The following KCNQ1OT1 variants were observed in gnomAD, a reference collection of about 807,000 sequenced individuals.
The protein encoded by KCNQ1OT1 is KCNQ1 opposite strand/antisense transcript 1.
exon 1 of KCNQ1OT1, chr11:2,650,846 G>A: frequency 5.0e-6 from 2 of 398,622 alleles, no homozygotes; most frequent in Non-Finnish European, 8.8e-6. Context: ...TGCTTTTAGG[G>A]GAGGATGAGT....
Position 2,647,796 on chromosome 11 carries a change from G to A in KCNQ1OT1, n.52199C>T, listed in dbSNP as rs1849689053. 2 of 398,266 alleles carry A rather than the reference G, an allele frequency of 5.0e-6. No individual in the cohort carries two copies. Among genetic ancestry groups the A allele is most frequent in the Admixed American group, 8.8e-5 (2 of 22,698 alleles). The allele number at this position is 398,266 out of a possible 1,614,324, so 24.7% of individuals were successfully genotyped here. A position where few individuals can be genotyped will look rare whatever the true frequency, so the allele number is the denominator to read the frequency against. ...TGTTGACATATAGTTGTTCATAATG[G>A]TCTCTAATAATCTTTTGTATTTCTG... On this transcript the variant is annotated non_coding_transcript_exon_variant, in exon 1 of 1. Transcript: ENST00000597346. This position sits in a 1 kb window ranked among gnomAD's most constrained non-coding sequence, Gnocchi z 4.0.
At chr11:2,655,631 G>T in exon 1 of KCNQ1OT1, 1 of 398,686 alleles carries the variant, frequency 2.5e-6, no homozygotes, top group Non-Finnish European at 4.4e-6. Context: ...TCAAGCCCTG[G>T]CCTGAAAGAG....
chr11:2,661,562 G>A lies in KCNQ1OT1; in HGVS notation n.38433C>T. ...CACTACTCTGTCAATGTATGAGTGT[G>A]ACAATGTATGGTGGTGGGAGCTGTT... On this transcript the variant is annotated non_coding_transcript_exon_variant, in exon 1 of 1. Transcript: ENST00000597346. The surrounding 1 kb of genome is among the most constrained non-coding windows in gnomAD (Gnocchi z 5.9). The A allele has an allele frequency of 1.8e-6, 1 of 544,802 alleles. No homozygotes were observed. The highest frequency in any genetic ancestry group is 2.9e-5 in the South Asian group (1 of 34,838). The allele number at this position is 544,802 out of a possible 1,614,324, so 33.7% of individuals were successfully genotyped here. A position where few individuals can be genotyped will look rare whatever the true frequency, so the allele number is the denominator to read the frequency against.
rs1849806321 is a variant in KCNQ1OT1, at chr11:2,654,456, C to A, written n.45539G>T. The A allele has an allele frequency of 2.5e-6, 1 of 398,612 alleles. No homozygotes were observed. The highest frequency in any genetic ancestry group is 4.4e-5 in the Admixed American group (1 of 22,708). 24.7% of individuals were successfully genotyped at this position (398,612 alleles called of 1,614,324 possible). A position where few individuals can be genotyped will look rare whatever the true frequency, so the allele number is the denominator to read the frequency against. ...GAAGGCAAGGTTCCCGTGCTGAGCG[C>A]CAGGCACACATAAGCCCTGCAGCCG... On this transcript the variant is annotated non_coding_transcript_exon_variant, in exon 1 of 1. Coordinates refer to ENST00000597346, the Ensembl canonical transcript of KCNQ1OT1. This position sits in a 1 kb window ranked among gnomAD's most constrained non-coding sequence, Gnocchi z 6.4.
chr11:2,667,183 C>T (rs1850090738), exon 1 of KCNQ1OT1: 1 of 398,690 alleles, frequency 2.5e-6, no homozygotes, highest in Non-Finnish European at 4.4e-6. Flanking sequence ...CTGCCATCAG[C>T]CCAGCTGTGG....
Position 2,653,034 on chromosome 11 carries a change from T to C in KCNQ1OT1, n.46961A>G, listed in dbSNP as rs1849781480. On this transcript the variant is annotated non_coding_transcript_exon_variant, in exon 1 of 1. Transcript: ENST00000597346. The surrounding 1 kb of genome is among the most constrained non-coding windows in gnomAD (Gnocchi z 5.3). Reference sequence around the variant, plus strand: ...TCTATTCTGCACACCTTTGATCCAATGTGAGATCCAACATGTTCCATAATT... The same window carrying C: ...TCTATTCTGCACACCTTTGATCCAACGTGAGATCCAACATGTTCCATAATT... 1 of 398,542 alleles carries C rather than the reference T, an allele frequency of 2.5e-6. No homozygotes were observed. Among genetic ancestry groups the C allele is most frequent in the South Asian group, 1.3e-4 (1 of 7,862 alleles). The allele number at this position is 398,542 out of a possible 1,614,324, so 24.7% of individuals were successfully genotyped here.
chr11:2,629,111 T>C, exon 1 of KCNQ1OT1: 1 of 398,314 alleles, frequency 2.5e-6, no homozygotes, highest in Non-Finnish European at 4.4e-6. Flanking sequence ...GGATTTTTTT[T>C]GTCTATATCT....
At position 2,642,745 on chromosome 11, in the gene KCNQ1OT1, G is replaced by T; in HGVS notation, n.57250C>A. The T allele has an allele frequency of 5.0e-6, 2 of 397,504 alleles. No homozygotes were observed. Among genetic ancestry groups the T allele is most frequent in the Non-Finnish European group, 4.4e-6 (1 of 225,538 alleles). The allele number at this position is 397,504 out of a possible 1,614,324, so 24.6% of individuals were successfully genotyped here. On this transcript the variant is annotated non_coding_transcript_exon_variant, in exon 1 of 1. Transcript: ENST00000597346. The surrounding 1 kb of genome is among the most constrained non-coding windows in gnomAD (Gnocchi z 4.3). Reference sequence around the variant, plus strand: ...GTTCTTGCTTTTCTGGTTCCTTCAGGTGTATCATTAGATTATTTAAGATCT... The same window carrying T: ...GTTCTTGCTTTTCTGGTTCCTTCAGTTGTATCATTAGATTATTTAAGATCT...
In KCNQ1OT1 at chr11:2,679,902, TA is replaced by T. The variant is rs1411774273; in HGVS notation, n.20092del. 17 of 397,996 alleles carry T rather than the reference TA, an allele frequency of 4.3e-5. No individual in the cohort carries two copies. In the East Asian group the frequency reaches 4.6e-4, roughly 11 times the overall value. 24.7% of individuals were successfully genotyped at this position (397,996 alleles called of 1,614,324 possible). On this transcript the variant is annotated non_coding_transcript_exon_variant, in exon 1 of 1. Transcript: ENST00000597346. The surrounding 1 kb of genome is among the most constrained non-coding windows in gnomAD (Gnocchi z 4.8). ...GCACGCCTAATTTTTTTTTTATTTT[TA>T]TTTTTTTTGAGGCAGAGTCTCACTT...
rs912780038 is a variant in KCNQ1OT1, at chr11:2,695,221, A to G, written n.4774T>C. ...ACTGTCACCCTGTAAGGGTCTGCAT[A>G]AAGTCACCGCTCTCTTCCTCTCCAT... On this transcript the variant is annotated non_coding_transcript_exon_variant, in exon 1 of 1. Coordinates refer to ENST00000597346, the Ensembl canonical transcript of KCNQ1OT1. This position sits in a 1 kb window ranked among gnomAD's most constrained non-coding sequence, Gnocchi z 5.2. 7.5e-6 allele frequency: 3 copies of G among 398,470 alleles called. No individual in the cohort carries two copies. The highest frequency in any genetic ancestry group is 2.1e-5 in the African/African-American group (1 of 48,608). 24.7% of individuals were successfully genotyped at this position (398,470 alleles called of 1,614,324 possible). A position where few individuals can be genotyped will look rare whatever the true frequency, so the allele number is the denominator to read the frequency against.
exon 1 of KCNQ1OT1, chr11:2,639,557 G>C (rs1472397504): frequency 2.0e-5 from 3 of 152,532 alleles, no homozygotes; most frequent in Non-Finnish European, 2.9e-5. Flanking sequence ...GTTGCTGCCT[G>C]ATTGTTCCTC....
Position 2,623,433 on chromosome 11 carries a change from TC to T in KCNQ1OT1, n.76561del, listed in dbSNP as rs1169043270. 1 of 398,444 alleles carries T rather than the reference TC, an allele frequency of 2.5e-6. No individual in the cohort carries two copies. Among genetic ancestry groups the T allele is most frequent in the Non-Finnish European group, 4.4e-6 (1 of 226,068 alleles). The allele number at this position is 398,444 out of a possible 1,614,324, so 24.7% of individuals were successfully genotyped here. A position where few individuals can be genotyped will look rare whatever the true frequency, so the allele number is the denominator to read the frequency against. ...TGTGCACTGCCTATTCAACCCTTCT[TC>T]CCCAACAACCCTTGGCAACCACTGA... On this transcript the variant is annotated non_coding_transcript_exon_variant, in exon 1 of 1. Transcript: ENST00000597346. This position sits in a 1 kb window ranked among gnomAD's most constrained non-coding sequence, Gnocchi z 5.2.
At position 2,626,635 on chromosome 11, in the gene KCNQ1OT1, C is replaced by A. The variant is rs948408213; in HGVS notation, n.73360G>T. On this transcript the variant is annotated non_coding_transcript_exon_variant, in exon 1 of 1. Coordinates refer to ENST00000597346, the Ensembl canonical transcript of KCNQ1OT1. The surrounding 1 kb of genome is among the most constrained non-coding windows in gnomAD (Gnocchi z 4.0). ...CCTCAATCTCCCAGGCTCAAGCAAT[C>A]CTCCCACCTCGGCTTCTTGAGTAGC... 4.3e-5 allele frequency: 17 copies of A among 398,516 alleles called. No homozygotes were observed. The highest frequency in any genetic ancestry group is 7.1e-5 in the Non-Finnish European group (16 of 226,112). 24.7% of individuals were successfully genotyped at this position (398,516 alleles called of 1,614,324 possible). A position where few individuals can be genotyped will look rare whatever the true frequency, so the allele number is the denominator to read the frequency against.
chr11:2,677,459 T>G lies in KCNQ1OT1; in HGVS notation n.22536A>C. 2.5e-6 allele frequency: 1 copy of G among 398,506 alleles called. No homozygotes were observed. Among genetic ancestry groups the G allele is most frequent in the Non-Finnish European group, 4.4e-6 (1 of 226,046 alleles). The allele number at this position is 398,506 out of a possible 1,614,324, so 24.7% of individuals were successfully genotyped here. ...ATAATTGATGCAGGTGGCCTCTTGG[T>G]CAAGCAGTGAAACCATGCCATACTT... On this transcript the variant is annotated non_coding_transcript_exon_variant, in exon 1 of 1. Transcript: ENST00000597346. The surrounding 1 kb of genome is among the most constrained non-coding windows in gnomAD (Gnocchi z 4.5).
exon 1 of KCNQ1OT1, chr11:2,650,971 T>A (rs1459871691): frequency 5.0e-6 from 2 of 398,520 alleles, no homozygotes; most frequent in Non-Finnish European, 8.8e-6. Flanking sequence ...AATCTATCAG[T>A]ATGTCTTATC....
At chr11:2,696,005 C>T in exon 1 of KCNQ1OT1, 1 of 398,608 alleles carries the variant, frequency 2.5e-6, no homozygotes, top group Non-Finnish European at 4.4e-6. Flanking sequence ...AAGTTACATT[C>T]ATGAGTGTAA....
chr11:2,691,432 C>T lies in KCNQ1OT1; in HGVS notation n.8563G>A, dbSNP rs184662220. 2.5e-6 allele frequency: 1 copy of T among 398,514 alleles called. No homozygotes were observed. The highest frequency in any genetic ancestry group is 1.3e-4 in the South Asian group (1 of 7,852). The allele number at this position is 398,514 out of a possible 1,614,324, so 24.7% of individuals were successfully genotyped here. A position where few individuals can be genotyped will look rare whatever the true frequency, so the allele number is the denominator to read the frequency against. ...TGTCTGTGGGGAGTCCACTGAAGCT[C>T]CCTGCCCCCACTGAGTCTCTGATGT... On this transcript the variant is annotated non_coding_transcript_exon_variant, in exon 1 of 1. Coordinates refer to ENST00000597346, the Ensembl canonical transcript of KCNQ1OT1. The surrounding 1 kb of genome is among the most constrained non-coding windows in gnomAD (Gnocchi z 6.4).
In KCNQ1OT1 at chr11:2,625,398, G is replaced by A. The variant is rs1372157086; in HGVS notation, n.74597C>T. ...AACCTCCCACGTAGCTGATACTAGA[G>A]ATGGGTCTCACTATGTTGCCTAGGC... On this transcript the variant is annotated non_coding_transcript_exon_variant, in exon 1 of 1. Transcript: ENST00000597346. 1.0e-5 allele frequency: 4 copies of A among 398,464 alleles called. No individual in the cohort carries two copies. The East Asian group carries it at 1.4e-4, about 14-fold the overall frequency. The allele number at this position is 398,464 out of a possible 1,614,324, so 24.7% of individuals were successfully genotyped here.
rs1339312512 is a variant in KCNQ1OT1 at position 2,683,971 on chromosome 11, T to G, written n.16024A>C. The G allele has an allele frequency of 1.3e-5, 5 of 398,462 alleles. No individual in the cohort carries two copies. Among genetic ancestry groups the G allele is most frequent in the Non-Finnish European group, 2.2e-5 (5 of 226,052 alleles). The allele number at this position is 398,462 out of a possible 1,614,324, so 24.7% of individuals were successfully genotyped here. A position where few individuals can be genotyped will look rare whatever the true frequency, so the allele number is the denominator to read the frequency against. ...GCTGACTGCTTTTACTTTTTTTTTT[T>G]TTTCATTTAGAAGAATTTCCTTGGC... On this transcript the variant is annotated non_coding_transcript_exon_variant, in exon 1 of 1. Transcript: ENST00000597346. The surrounding 1 kb of genome is among the most constrained non-coding windows in gnomAD (Gnocchi z 4.7).
Sources: gnomAD v4.1 joint callset for allele counts on GRCh38, gnomAD v4.1.1 for gene constraint, Gnocchi (gnomAD v3.1) non-coding constraint, MANE v1.5 for transcripts, NCBI Gene and HGNC (gene_info 2026-07-23, HGNC 2026-07-21) for gene names.